NREP: variants seen among roughly 807,000 people sequenced by gnomAD.
NREP encodes the protein neuronal regeneration related protein.
A neutral mutation model predicts 8.6 loss-of-function variants in NREP; 5 were observed. The ratio of observed to expected loss-of-function variants is 0.58; its 90% CI spans 0.30 to 1.22. NREP has a LOEUF of 1.22. Ranked by LOEUF, NREP falls within the 50% of genes most tolerant of loss-of-function variation. The pLI is 0.07. For synonymous variants in NREP, 27 were observed against 28.0 expected (o/e 0.96, Z 0.11); for missense variants, 86 against 82.5 (o/e 1.04, Z -0.17).
intron 2 of NREP, among the ~76,000 whole-genome samples, chr5:111,772,429 C>T (rs1353872242): frequency 2.0e-5 from 3 of 152,046 alleles, no homozygotes; most frequent in Non-Finnish European, 4.4e-5. Flanking sequence ...CATTAATATA[C>T]AAAACTTTTG....
intron 2 of NREP, among the ~76,000 whole-genome samples, chr5:111,884,291 G>T (rs899015027): frequency 1.3e-5 from 2 of 151,542 alleles, no homozygotes; most frequent in African/African-American, 2.4e-5. Flanking sequence ...TTGAATCTCT[G>T]AATAGACCAA....
At chr5:111,975,456 AGAG>A (rs1223727573) in intron 1 of NREP, 5 of 939,468 alleles carry the variant, frequency 5.3e-6, no homozygotes, top group Non-Finnish European at 6.7e-6. Context: ...AGCAATTCAG[AGAG>A]GAGGAGAATG....
At chr5:111,904,624 T>C (rs1007233887) in intron 2 of NREP, among the ~76,000 whole-genome samples, 2 of 152,112 alleles carry the variant, frequency 1.3e-5, no homozygotes, top group Non-Finnish European at 2.9e-5. Flanking sequence ...CATATTCCAT[T>C]GTATGTGAAA....
At chr5:111,842,730 C>T (rs1753060873) in intron 2 of NREP, among the ~76,000 whole-genome samples, 1 of 152,100 alleles carries the variant, frequency 6.6e-6, no homozygotes, top group Non-Finnish European at 1.5e-5. Context: ...GAAGAATTCC[C>T]TTTAGCATTT....
At chr5:111,826,049 G>T (rs1214549175) in intron 2 of NREP, among the ~76,000 whole-genome samples, 1 of 151,658 alleles carries the variant, frequency 6.6e-6, no homozygotes, top group Non-Finnish European at 1.5e-5. Context: ...CGCCTACCGT[G>T]TTCAAGCGAT....
intron 2 of NREP, among the ~76,000 whole-genome samples, chr5:111,867,080 G>T (rs1753683783): frequency 6.6e-6 from 1 of 151,776 alleles, no homozygotes; most frequent in Non-Finnish European, 1.5e-5. Context: ...CACCAACATG[G>T]CACATGTATA....
chr5:111,734,641 A>G, intron 3 of NREP: 1 of 633,618 alleles, frequency 1.6e-6, no homozygotes, highest in African/African-American at 1.8e-5. Flanking sequence ...AAACATTGAA[A>G]TACCAGTAAC....
At chr5:111,880,626 A>G (rs1318165237) in intron 2 of NREP, among the ~76,000 whole-genome samples, 2 of 152,114 alleles carry the variant, frequency 1.3e-5, no homozygotes, top group African/African-American at 4.8e-5. Flanking sequence ...CTTTAAGACC[A>G]TCTCTAATCG....
At chr5:111,824,010 T>A (rs1752566351) in intron 2 of NREP, among the ~76,000 whole-genome samples, 1 of 152,170 alleles carries the variant, frequency 6.6e-6, no homozygotes, top group African/African-American at 2.4e-5. Flanking sequence ...TTAATGAAAT[T>A]AATACTGATT....
At chr5:111,794,310 G>A (rs1751826132) in intron 2 of NREP, among the ~76,000 whole-genome samples, 1 of 152,136 alleles carries the variant, frequency 6.6e-6, no homozygotes, top group Non-Finnish European at 1.5e-5. Flanking sequence ...CAGCAAATGG[G>A]CTTCTTGGTA....
At chr5:111,950,219 G>C (rs1458048563) in intron 2 of NREP, among the ~76,000 whole-genome samples, 1 of 151,966 alleles carries the variant, frequency 6.6e-6, no homozygotes, top group African/African-American at 2.4e-5. Context: ...ACAGAACTGA[G>C]ACCTAAGAAA....
At chr5:111,913,399 A>T (rs1754967167) in intron 2 of NREP, among the ~76,000 whole-genome samples, 1 of 152,126 alleles carries the variant, frequency 6.6e-6, no homozygotes, top group Non-Finnish European at 1.5e-5. Context: ...GTTGCAAGAT[A>T]ATCTAGCTGT....
intron 2 of NREP, among the ~76,000 whole-genome samples, chr5:111,847,190 A>T (rs969150053): frequency 6.6e-6 from 1 of 151,962 alleles, no homozygotes; most frequent in African/African-American, 2.4e-5. Flanking sequence ...TAAACAGCAA[A>T]TGTTTATTTC....
intron 2 of NREP, among the ~76,000 whole-genome samples, chr5:111,943,872 G>T: frequency 6.6e-6 from 1 of 152,184 alleles, no homozygotes; most frequent in African/African-American, 2.4e-5. Context: ...CATATACTCT[G>T]TTCAGCAACT....
At chr5:111,852,694 A>G (rs1191386569) in intron 2 of NREP, among the ~76,000 whole-genome samples, 1 of 151,982 alleles carries the variant, frequency 6.6e-6, no homozygotes, top group South Asian at 2.1e-4. Flanking sequence ...TTTACTAGCA[A>G]ATTGGGAGGT....
At chr5:111,924,601 C>T (rs554400539) in intron 2 of NREP, among the ~76,000 whole-genome samples, 4 of 152,202 alleles carry the variant, frequency 2.6e-5, no homozygotes, top group African/African-American at 7.2e-5. Context: ...CTGAACTAGT[C>T]CCCATTCCCC....
At chr5:111,864,969 A>G (rs1446522135) in intron 2 of NREP, among the ~76,000 whole-genome samples, 1 of 152,132 alleles carries the variant, frequency 6.6e-6, no homozygotes, top group Non-Finnish European at 1.5e-5. Flanking sequence ...TCAAAGGGGA[A>G]GTTGATAAAG....
chr5:111,921,939 A>T (rs1282647052), intron 2 of NREP, among the ~76,000 whole-genome samples: 1 of 152,138 alleles, frequency 6.6e-6, no homozygotes, highest in African/African-American at 2.4e-5. Flanking sequence ...TGAGGTAAGA[A>T]GTACATTTCA....
chr5:111,914,098 T>A (rs1262227707), intron 2 of NREP, among the ~76,000 whole-genome samples: 3 of 152,118 alleles, frequency 2.0e-5, no homozygotes, highest in Non-Finnish European at 4.4e-5. Flanking sequence ...AAGCTATGGA[T>A]AAATTCTTAC....
Sources: gnomAD v4.1 joint callset for allele counts (sites outside exome capture counted in the v4.1 genomes callset) on GRCh38, gnomAD v4.1.1 for gene constraint, MANE v1.5 for transcripts, NCBI Gene and HGNC (gene_info 2026-07-23, HGNC 2026-07-21) for gene names.